The following SORCS2 variants were observed in gnomAD, a reference collection of about 807,000 sequenced individuals.
The protein encoded by SORCS2 is sortilin related VPS10 domain containing receptor 2.
SORCS2 carries 100 observed loss-of-function variants against 141.6 expected under a neutral mutation model. That is an observed-to-expected ratio of 0.71 (90% CI 0.60 to 0.83). SORCS2 has a LOEUF of 0.83. SORCS2 is among the 40% of genes least tolerant of loss of function. The pLI is 0.00. For missense variants in SORCS2, 1,646 were observed against 1,560.2 expected (o/e 1.05, Z -0.93); for synonymous variants, 789 against 676.9 (o/e 1.17, Z -2.57).
intron 4 of SORCS2, among the ~76,000 whole-genome samples, chr4:7,653,680 G>A (rs909104345): frequency 2.6e-5 from 4 of 152,148 alleles, no homozygotes; most frequent in African/African-American, 9.7e-5. Context: ...TCAGGCCCCA[G>A]CCCACCTGCG....
chr4:7,594,963 A>G (rs772540785), intron 3 of SORCS2, among the ~76,000 whole-genome samples: 12 of 152,154 alleles, frequency 7.9e-5, no homozygotes, highest in African/African-American at 2.2e-4. Context: ...CACCTCTGCA[A>G]TGCCAGCTGG....
intron 2 of SORCS2, among the ~76,000 whole-genome samples, chr4:7,398,953 C>T (rs1724394184): frequency 6.6e-6 from 1 of 152,230 alleles, no homozygotes; most frequent in African/African-American, 2.4e-5. Flanking sequence ...AATGTGCATT[C>T]CCACCTGGGC....
At chr4:7,241,370 T>C (rs1712683892) in intron 1 of SORCS2, among the ~76,000 whole-genome samples, 1 of 152,168 alleles carries the variant, frequency 6.6e-6, no homozygotes, top group Non-Finnish European at 1.5e-5. Flanking sequence ...GGGTGGGACA[T>C]GGGCCCCGGT....
At chr4:7,338,104 ATGGATGT>A (rs59046584) in intron 1 of SORCS2, among the ~76,000 whole-genome samples, 74,405 of 150,080 alleles carry the variant, frequency 0.5, 18,539 homozygotes, top group East Asian at 0.56. Context: ...TGGATGTTGG[ATGGATGT>A]TGGATGGATG....
intron 2 of SORCS2, among the ~76,000 whole-genome samples, chr4:7,426,216 G>A (rs549146025): frequency 6.6e-6 from 1 of 150,742 alleles, no homozygotes; most frequent in African/African-American, 2.4e-5. Context: ...CTTGTGGGGG[G>A]AAGCCCTGGG....
intron 3 of SORCS2, among the ~76,000 whole-genome samples, chr4:7,541,557 C>T (rs1712661609): frequency 6.6e-6 from 1 of 152,218 alleles, no homozygotes; most frequent in African/African-American, 2.4e-5. Context: ...TGGGCAGTGG[C>T]TCACAGCTGT....
Position 7,433,982 on chromosome 4 carries a change from C to T in SORCS2, c.548+37627C>T, listed in dbSNP as rs759190650. ...AGCCAGTGGTCCAGCTTCTGCACCA[C>T]GTTCATGCACACCTCACAGGTCACA... On this transcript the variant is annotated intron_variant, in intron 2 of 26. Transcript: ENST00000507866. 1.1e-4 allele frequency: 181 copies of T among 1,613,702 alleles called. No homozygotes were observed. Among genetic ancestry groups the T allele is most frequent in the Admixed American group, 3.8e-4 (23 of 60,008 alleles).
intron 3 of SORCS2, among the ~76,000 whole-genome samples, chr4:7,539,540 T>C (rs1225122712): frequency 6.6e-6 from 1 of 152,294 alleles, no homozygotes; most frequent in East Asian, 1.9e-4. Context: ...CCCACCACAC[T>C]GGGCTCTAAT....
chr4:7,576,827 C>T (rs1715782998), intron 3 of SORCS2, among the ~76,000 whole-genome samples: 1 of 152,186 alleles, frequency 6.6e-6, no homozygotes, highest in South Asian at 2.1e-4. Flanking sequence ...CTGGAGCCAG[C>T]CTGGCTCATG....
rs572822469 is a variant in SORCS2, at chr4:7,340,303, GT to G, written c.481-55984del. On this transcript the variant is annotated intron_variant, in intron 1 of 26. Transcript: ENST00000507866. ...GAGTGTGGCCATGCCATTGCACACA[GT>G]GGGGCAGGGAGACTGGGTAGGAGCT... 3.7e-4 allele frequency among the ~76,000 whole-genome samples: 56 copies of G among 152,372 alleles called. No individual in the cohort carries two copies. The South Asian group carries it at 0.012, about 32-fold the overall frequency.
intron 3 of SORCS2, among the ~76,000 whole-genome samples, chr4:7,591,644 G>T (rs114690376): frequency 0.018 from 2,679 of 152,212 alleles, 92 homozygotes; most frequent in African/African-American, 0.061. Flanking sequence ...TTTGAATTCC[G>T]GCTCACGAGG....
At chr4:7,338,652 A>G (rs978003395) in intron 1 of SORCS2, among the ~76,000 whole-genome samples, 1 of 152,082 alleles carries the variant, frequency 6.6e-6, no homozygotes, top group East Asian at 1.9e-4. Flanking sequence ...CTTTGCCCAC[A>G]CCCCTGTCCC....
rs150055028 is a variant in SORCS2, at chr4:7,298,777, G to A, written c.481-97511G>A. On this transcript the variant is annotated intron_variant, in intron 1 of 26. Transcript: ENST00000507866. Reference sequence around the variant, plus strand: ...AAACATTTGTGAGCCTGAGGTCCCCGGGCCTAGCTGTGCCCAGGCCGGGTG... The same window carrying A: ...AAACATTTGTGAGCCTGAGGTCCCCAGGCCTAGCTGTGCCCAGGCCGGGTG... 3.3e-4 allele frequency among the ~76,000 whole-genome samples: 51 copies of A among 152,300 alleles called. 1 individual carries two copies. Among genetic ancestry groups the A allele is most frequent in the Admixed American group, 9.8e-4 (15 of 15,300 alleles).
intron 14 of SORCS2, among the ~76,000 whole-genome samples, chr4:7,711,029 G>C (rs554129866): frequency 3.7e-4 from 56 of 152,322 alleles, no homozygotes; most frequent in South Asian, 1.9e-3. Flanking sequence ...AACCAGCCTG[G>C]CTGCTCCCTC....
At chr4:7,654,290 C>G in intron 5 of SORCS2, 83 bp downstream of exon 5, 1 of 1,377,266 alleles carries the variant, frequency 7.3e-7, no homozygotes, top group Non-Finnish European at 1.0e-6. Context: ...GAGCCCATCC[C>G]TGCAGCTCCC....
chr4:7,305,339 C>CTTT (rs1553834775), intron 1 of SORCS2, among the ~76,000 whole-genome samples: 2 of 150,624 alleles, frequency 1.3e-5, no homozygotes, highest in South Asian at 2.1e-4. Context: ...CCCATTCTGG[C>CTTT]TCTTGTCCCA....
chr4:7,465,771 G>A (rs1729579393), intron 2 of SORCS2, among the ~76,000 whole-genome samples: 1 of 152,234 alleles, frequency 6.6e-6, no homozygotes, highest in Non-Finnish European at 1.5e-5. Flanking sequence ...CATCAAGATG[G>A]TGAATAGAAC....
chr4:7,724,129 G>A (rs1197943320), intron 19 of SORCS2, among the ~76,000 whole-genome samples: 3 of 140,684 alleles, frequency 2.1e-5, no homozygotes, highest in African/African-American at 8.6e-5. Context: ...TGGTGGTGGT[G>A]GTGGTGGTGG....
chr4:7,561,377 T>C (rs755551478), intron 3 of SORCS2, among the ~76,000 whole-genome samples: 2 of 149,770 alleles, frequency 1.3e-5, no homozygotes, highest in African/African-American at 5.0e-5. Flanking sequence ...CCTGAAATTA[T>C]GTTTGTTCAT....
Sources: allele counts gnomAD v4.1 joint callset (sites outside exome capture counted in the v4.1 genomes callset), GRCh38; gene constraint gnomAD v4.1.1; transcripts MANE v1.5; gene names NCBI Gene and HGNC (gene_info 2026-07-23, HGNC 2026-07-21).